PAN3: variants seen among roughly 807,000 people sequenced by gnomAD.
PAN3 encodes the protein PAN2-PAN3 deadenylation complex subunit PAN3.
In PAN3, 19 loss-of-function variants were observed where a neutral mutation model predicts 96.2. That is an observed-to-expected ratio of 0.20 (90% CI 0.14 to 0.29). The LOEUF (loss-of-function observed/expected upper bound fraction) is 0.29, where lower values mean the gene tolerates loss of function less well. PAN3 is among the 10% of genes least tolerant of loss of function. The pLI is 1.00. For missense variants in PAN3, 882 were observed against 1,108.1 expected (o/e 0.80, Z 2.90); for synonymous variants, 433 against 406.6 (o/e 1.06, Z -0.78).
chr13:28,194,464 A>ATTTT (rs1297200533), intron 4 of PAN3, among the ~76,000 whole-genome samples: 17 of 106,698 alleles, frequency 1.6e-4, no homozygotes, highest in African/African-American at 5.1e-4. Context: ...ATATATATAT[A>ATTTT]TATTTTTTTT....
At chr13:28,268,269 G>A (rs968528271) in intron 12 of PAN3, among the ~76,000 whole-genome samples, 2 of 151,410 alleles carry the variant, frequency 1.3e-5, no homozygotes, top group African/African-American at 4.9e-5. Context: ...TTTATTATAG[G>A]TATTTTCCCC....
chr13:28,169,418 C>G (rs1377080437), intron 1 of PAN3, among the ~76,000 whole-genome samples: 2 of 151,102 alleles, frequency 1.3e-5, no homozygotes, highest in Admixed American at 6.6e-5. Context: ...TTAGTAGAGA[C>G]AGGGTTTCAC....
At chr13:28,173,429 T>C (rs545657542) in intron 1 of PAN3, among the ~76,000 whole-genome samples, 1 of 152,202 alleles carries the variant, frequency 6.6e-6, no homozygotes, top group Non-Finnish European at 1.5e-5. Context: ...AAATAAACTT[T>C]TTGTAATTAT....
chr13:28,177,823 C>T (rs758799842), intron 3 of PAN3, 42 bp from the exon 4 acceptor site: 1 of 1,528,994 alleles, frequency 6.5e-7, no homozygotes, highest in Non-Finnish European at 9.0e-7. Flanking sequence ...TTGCGGGTTA[C>T]CCAAGTTTTA....
chr13:28,232,553 A>G (rs1273862218), intron 6 of PAN3: 1 of 152,114 alleles, frequency 6.6e-6, no homozygotes, highest in African/African-American at 2.4e-5. Context: ...AGAGAAAACT[A>G]GCATGGTCCC....
intron 5 of PAN3, among the ~76,000 whole-genome samples, chr13:28,217,022 G>C (rs1348251783): frequency 6.6e-6 from 1 of 151,668 alleles, no homozygotes; most frequent in Non-Finnish European, 1.5e-5. Context: ...GCTGAGGCAG[G>C]AGAATCACTT....
intron 18 of PAN3, 114 bp downstream of exon 18, chr13:28,288,236 C>T (rs1869225949): frequency 1.1e-6 from 1 of 905,662 alleles, no homozygotes; most frequent in East Asian, 2.8e-5. Flanking sequence ...TTAAAGTAGC[C>T]TGTAAGACGT....
intron 6 of PAN3, among the ~76,000 whole-genome samples, chr13:28,244,918 G>C (rs1247620067): frequency 6.6e-6 from 1 of 151,900 alleles, no homozygotes; most frequent in Non-Finnish European, 1.5e-5. Flanking sequence ...GCGCGATCTT[G>C]GCTCACTGCA....
intron 13 of PAN3, 114 bp downstream of exon 13, chr13:28,270,980 C>G (rs1886575059): frequency 9.7e-7 from 1 of 1,034,760 alleles, no homozygotes; most frequent in African/African-American, 1.6e-5. Context: ...TCCAGAAGAA[C>G]TTCTGTAACT....
chr13:28,222,872 A>G (rs1881551665), intron 6 of PAN3, among the ~76,000 whole-genome samples: 1 of 152,216 alleles, frequency 6.6e-6, no homozygotes, highest in Non-Finnish European at 1.5e-5. Flanking sequence ...TCAAATTACT[A>G]TAAAATATGA....
chr13:28,249,953 A>G (rs1042952433), intron 6 of PAN3, among the ~76,000 whole-genome samples: 3 of 152,238 alleles, frequency 2.0e-5, no homozygotes, highest in Admixed American at 1.3e-4. Flanking sequence ...CACCATGGAG[A>G]TGCTAGTGAC....
intron 6 of PAN3, among the ~76,000 whole-genome samples, chr13:28,222,812 A>C (rs1881543090): frequency 6.6e-6 from 1 of 152,182 alleles, no homozygotes; most frequent in South Asian, 2.1e-4. Flanking sequence ...TTTTAGTTAC[A>C]AGTTTTTAAT....
At chr13:28,251,920 T>C (rs916592210) in intron 6 of PAN3, among the ~76,000 whole-genome samples, 1 of 152,086 alleles carries the variant, frequency 6.6e-6, no homozygotes, top group Non-Finnish European at 1.5e-5. Context: ...CAGAGTTTTA[T>C]TCTGTTGCCC....
At chr13:28,264,851 C>T (rs190862258) in intron 9 of PAN3, among the ~76,000 whole-genome samples, 2 of 152,290 alleles carry the variant, frequency 1.3e-5, no homozygotes, top group East Asian at 3.9e-4. Flanking sequence ...TATATTTTAA[C>T]AAGGCTTTAG....
chr13:28,189,844 T>G (rs1877009228), intron 4 of PAN3, among the ~76,000 whole-genome samples: 1 of 152,178 alleles, frequency 6.6e-6, no homozygotes, highest in African/African-American at 2.4e-5. Flanking sequence ...CCTGGAAGAT[T>G]TCTGTGTTCA....
At chr13:28,219,504 T>C (rs1370051455) in intron 5 of PAN3, among the ~76,000 whole-genome samples, 3 of 152,198 alleles carry the variant, frequency 2.0e-5, no homozygotes, top group Non-Finnish European at 4.4e-5. Context: ...TATAGACTTT[T>C]TATGAATCTT....
intron 6 of PAN3, among the ~76,000 whole-genome samples, chr13:28,253,682 C>T (rs1156565652): frequency 3.4e-5 from 5 of 149,146 alleles, no homozygotes; most frequent in Non-Finnish European, 7.4e-5. Flanking sequence ...CGCTTTGTGG[C>T]TCATGCAGCC....
intron 4 of PAN3, among the ~76,000 whole-genome samples, chr13:28,189,397 T>G (rs1162016745): frequency 6.6e-6 from 1 of 152,060 alleles, no homozygotes; most frequent in South Asian, 2.1e-4. Flanking sequence ...GTGCCTGTAA[T>G]CCCAGCTACT....
At chr13:28,189,539 CA>C (rs1030340345) in intron 4 of PAN3, among the ~76,000 whole-genome samples, 7 of 105,072 alleles carry the variant, frequency 6.7e-5, no homozygotes, top group East Asian at 3.8e-4. Flanking sequence ...CAAAACAAAA[CA>C]AAAAAACTCT....
Sources: allele counts gnomAD v4.1 joint callset (sites outside exome capture counted in the v4.1 genomes callset), GRCh38; gene constraint gnomAD v4.1.1; transcripts MANE v1.5; gene names NCBI Gene and HGNC (gene_info 2026-07-23, HGNC 2026-07-21).